Variants in GALNT11 observed in about 807,000 individuals in gnomAD.
The protein encoded by GALNT11 is UDP-GalNAc:polypeptide N-acetylgalactosaminyltransferase 11.
A neutral mutation model predicts 72.7 loss-of-function variants in GALNT11; 47 were observed. The ratio of observed to expected loss-of-function variants is 0.65; its 90% CI spans 0.51 to 0.82. The LOEUF (loss-of-function observed/expected upper bound fraction) is 0.82. GALNT11 is among the 40% of genes least tolerant of loss of function. The pLI, the probability that GALNT11 is intolerant of heterozygous loss-of-function variation, is 0.00. For synonymous variants in GALNT11, 270 were observed against 286.6 expected (o/e 0.94, Z 0.58); for missense variants, 677 against 778.4 (o/e 0.87, Z 1.55).
intron 8 of GALNT11, chr7:152,116,851 T>C: frequency 1.9e-6 from 1 of 519,208 alleles, no homozygotes; most frequent in Middle Eastern, 3.0e-4. Flanking sequence ...TTTTAAGGAA[T>C]TAATAATTTG....
At chr7:152,104,213 G>A (rs2087278545) in intron 4 of GALNT11, 1 of 152,230 alleles carries the variant, frequency 6.6e-6, no homozygotes, top group Non-Finnish European at 1.5e-5. Context: ...CCCCATAGCT[G>A]TTAAGTAGTA....
intron 1 of GALNT11, among the ~76,000 whole-genome samples, chr7:152,078,284 C>T (rs145847931): frequency 3.2e-4 from 49 of 152,220 alleles, no homozygotes; most frequent in Middle Eastern, 3.4e-3. Flanking sequence ...GGTACAGTAT[C>T]GGCTTACCCC....
At chr7:152,101,732 C>A (rs2086928723) in intron 3 of GALNT11, among the ~76,000 whole-genome samples, 2 of 151,508 alleles carry the variant, frequency 1.3e-5, no homozygotes, top group South Asian at 4.2e-4. Flanking sequence ...CTCCCAAGTT[C>A]AAGTGATTCT....
intron 10 of GALNT11, chr7:152,119,079 C>G (rs553861517): frequency 9.0e-6 from 2 of 221,212 alleles, no homozygotes; most frequent in Non-Finnish European, 1.8e-5. Context: ...CTTTCGTCTC[C>G]TTTGTATGTT....
chr7:152,108,083 T>C lies in GALNT11; in HGVS notation c.758T>C (p.Met253Thr). 1 of 1,613,778 alleles carries C rather than the reference T, an allele frequency of 6.2e-7. No individual in the cohort carries two copies. Among genetic ancestry groups the C allele is most frequent in the Non-Finnish European group, 8.5e-7 (1 of 1,179,706 alleles). ...GACAGCCACTGTGAAGTGAATGTGATGTGGCTGCAGCCCTTGCTGGCCGCC... is the reference window on the plus strand; with the variant it reads ...GACAGCCACTGTGAAGTGAATGTGACGTGGCTGCAGCCCTTGCTGGCCGCC... ...FLDSHCEVNV[M>T]WLQPLLAAIR... Residue 253 changes from methionine (M) to threonine (T), a missense_variant, in exon 6 of 12, where the codon ATG becomes ACG. Met to Thr is a moderately conservative substitution (Grantham distance 81, BLOSUM62 -1). Coordinates refer to ENST00000430044, the MANE Select transcript of GALNT11 (RefSeq NM_022087.4).
chr7:152,060,354 T>C (rs1483129421), intron 1 of GALNT11, among the ~76,000 whole-genome samples: 1 of 152,242 alleles, frequency 6.6e-6, no homozygotes, highest in East Asian at 1.9e-4. Flanking sequence ...ATAGCACTTT[T>C]AATTCCCTTC....
At chr7:152,042,590 G>A (rs998548156) in intron 1 of GALNT11, among the ~76,000 whole-genome samples, 3 of 152,158 alleles carry the variant, frequency 2.0e-5, no homozygotes, top group African/African-American at 4.8e-5. Context: ...ACCTTGGCAG[G>A]AACTTTGTCT....
intron 2 of GALNT11, among the ~76,000 whole-genome samples, chr7:152,097,138 C>G (rs987393231): frequency 2.0e-5 from 3 of 152,138 alleles, no homozygotes; most frequent in African/African-American, 7.2e-5. Context: ...CCAAACAGTT[C>G]TTAAAACTCA....
At chr7:152,030,344 G>A (rs1469957210) in intron 1 of GALNT11, among the ~76,000 whole-genome samples, 1 of 152,126 alleles carries the variant, frequency 6.6e-6, no homozygotes, top group African/African-American at 2.4e-5. Flanking sequence ...TTGTCTTCTG[G>A]TCACTTCTCA....
At chr7:152,107,262 C>T (rs1196334370) in intron 5 of GALNT11, 1 of 150,904 alleles carries the variant, frequency 6.6e-6, no homozygotes, top group Non-Finnish European at 1.5e-5. Flanking sequence ...AAAAAAAAAC[C>T]TCAGTTCTGC....
chr7:152,053,498 C>T (rs911178576), intron 1 of GALNT11, among the ~76,000 whole-genome samples: 2 of 152,202 alleles, frequency 1.3e-5, no homozygotes, highest in East Asian at 1.9e-4. Context: ...GTGTTTCAGA[C>T]AAAATTAATG....
At chr7:152,106,918 A>C (rs568505935) in intron 5 of GALNT11, among the ~76,000 whole-genome samples, 4 of 152,158 alleles carry the variant, frequency 2.6e-5, no homozygotes, top group Non-Finnish European at 5.9e-5. Flanking sequence ...GATTGGTCTC[A>C]CCTCACCCCC....
intron 1 of GALNT11, among the ~76,000 whole-genome samples, chr7:152,091,277 G>A (rs1322145866): frequency 6.6e-6 from 1 of 151,392 alleles, no homozygotes; most frequent in Non-Finnish European, 1.5e-5. Context: ...GTCTCGCATT[G>A]TCACCCCGGC....
At position 152,107,957 on chromosome 7, in the gene GALNT11, C is replaced by T. The variant is rs577805195; in HGVS notation, c.713-81C>T. ...GCAGTCGTGTTTCATGCTGTGTCAG[C>T]GCGTCATCCCATTGGACGGGTGGTT... On this transcript the variant is annotated intron_variant, in intron 5 of 11. Coordinates refer to ENST00000430044, the MANE Select transcript of GALNT11 (RefSeq NM_022087.4). 109 of 1,493,054 alleles carry T rather than the reference C, an allele frequency of 7.3e-5. 1 individual carries two copies. In the South Asian group the frequency reaches 9.1e-4, roughly 12 times the overall value. 92.5% of individuals were successfully genotyped at this position (1,493,054 alleles called of 1,614,324 possible).
At chr7:152,112,748 T>C (rs2088381030) in intron 7 of GALNT11, among the ~76,000 whole-genome samples, 1 of 152,072 alleles carries the variant, frequency 6.6e-6, no homozygotes, top group African/African-American at 2.4e-5. Context: ...AGACCAGAGC[T>C]AAGGTCTTTT....
chr7:152,077,092 A>G (rs996734315), intron 1 of GALNT11, among the ~76,000 whole-genome samples: 1 of 152,348 alleles, frequency 6.6e-6, no homozygotes, highest in Non-Finnish European at 1.5e-5. Context: ...TTGTCTCAAA[A>G]AAAAGGCCCA....
At chr7:152,030,878 CT>C (rs2082276442) in intron 1 of GALNT11, among the ~76,000 whole-genome samples, 1 of 152,200 alleles carries the variant, frequency 6.6e-6, no homozygotes, top group Admixed American at 6.5e-5. Context: ...GCCACTTATG[CT>C]GCTGTTCTCC....
At chr7:152,101,703 G>A (rs1041875459) in intron 3 of GALNT11, among the ~76,000 whole-genome samples, 11 of 151,438 alleles carry the variant, frequency 7.3e-5, no homozygotes, top group African/African-American at 1.5e-4. Flanking sequence ...GCATGATGTC[G>A]GCTCACTATA....
chr7:152,107,644 T>C, intron 5 of GALNT11: 1 of 167,504 alleles, frequency 6.0e-6, no homozygotes, highest in Non-Finnish European at 1.3e-5. Flanking sequence ...ATAATTGTAA[T>C]AAAAATACCT....
Sources: gnomAD v4.1 joint callset for allele counts (sites outside exome capture counted in the v4.1 genomes callset) on GRCh38, gnomAD v4.1.1 for gene constraint, MANE v1.5 for transcripts, NCBI Gene and HGNC (gene_info 2026-07-23, HGNC 2026-07-21) for gene names.